The following ADARB2 variants were observed in gnomAD, a reference collection of about 807,000 sequenced individuals.
The protein encoded by ADARB2 is adenosine deaminase RNA specific B2 (inactive).
In ADARB2, 25 loss-of-function variants were observed where a neutral mutation model predicts 62.2. That is an observed-to-expected ratio of 0.40 (90% CI 0.29 to 0.56). The LOEUF (loss-of-function observed/expected upper bound fraction) is 0.56, where lower values mean the gene tolerates loss of function less well. ADARB2 is among the 20% of genes least tolerant of loss of function. The pLI, the probability that ADARB2 is intolerant of heterozygous loss-of-function variation, is 0.43. For synonymous variants in ADARB2, 572 were observed against 500.8 expected, an observed-to-expected ratio of 1.14 and a Z score of -1.90; for missense variants, 1,071 against 1,077.4, an observed-to-expected ratio of 0.99 and a Z score of 0.08.
intron 1 of ADARB2, among the ~76,000 whole-genome samples, chr10:1,487,087 C>T (rs1472986587): frequency 2.6e-5 from 4 of 152,240 alleles, no homozygotes; most frequent in Non-Finnish European, 5.9e-5. Context: ...CAGCTGCACG[C>T]GTGGGTGCCG....
At chr10:1,461,904 A>G (rs570483497) in intron 1 of ADARB2, among the ~76,000 whole-genome samples, 1 of 152,318 alleles carries the variant, frequency 6.6e-6, no homozygotes, top group Admixed American at 6.5e-5. Context: ...GGGGAGGCTG[A>G]GGCAGGAGAA....
intron 1 of ADARB2, among the ~76,000 whole-genome samples, chr10:1,638,954 G>C (rs1001444601): frequency 6.6e-6 from 1 of 152,214 alleles, no homozygotes; most frequent in Admixed American, 6.5e-5. Context: ...TGCCTTGCCT[G>C]CACTCACACG....
intron 6 of ADARB2, among the ~76,000 whole-genome samples, chr10:1,221,521 C>T (rs951516200): frequency 6.6e-6 from 1 of 151,724 alleles, no homozygotes; most frequent in African/African-American, 2.4e-5. Context: ...CACCCAGTAA[C>T]TCATCATTTA....
At chr10:1,599,864 A>T (rs1386471769) in intron 1 of ADARB2, among the ~76,000 whole-genome samples, 1 of 152,024 alleles carries the variant, frequency 6.6e-6, no homozygotes, top group African/African-American at 2.4e-5. Context: ...CTCCTACCTC[A>T]GCCTCCCAAG....
chr10:1,421,484 C>A (rs762588024), intron 1 of ADARB2, among the ~76,000 whole-genome samples: 3 of 152,048 alleles, frequency 2.0e-5, no homozygotes, highest in Non-Finnish European at 4.4e-5. Context: ...TTATTCTTCT[C>A]TAGATTCTCT....
rs1021703194 is a variant in ADARB2 at position 1,672,791 on chromosome 10, A to G, written c.100+64260T>C. 2.3e-5 allele frequency among the ~76,000 whole-genome samples: 3 copies of G among 133,246 alleles called. No individual in the cohort carries two copies. In the Admixed American group the frequency reaches 2.3e-4, roughly 10 times the overall value. The allele number at this position is 133,246 out of a possible 152,430, so 87.4% of individuals were successfully genotyped here. ...TCCCCTTCCTCCCTCCCTCTAACAC[A>G]TATCCAGCAACCTCCACGTCTGGTT... On this transcript the variant is annotated intron_variant, in intron 1 of 9. Coordinates refer to ENST00000381312, the MANE Select transcript of ADARB2 (RefSeq NM_018702.4).
intron 3 of ADARB2, among the ~76,000 whole-genome samples, chr10:1,350,842 G>A (rs574133677): frequency 1.3e-5 from 2 of 152,104 alleles, no homozygotes; most frequent in African/African-American, 2.4e-5. Context: ...TGTACACCTC[G>A]CCTTCAAGGT....
chr10:1,558,855 C>T (rs1191123217), intron 1 of ADARB2, among the ~76,000 whole-genome samples: 2 of 137,730 alleles, frequency 1.5e-5, no homozygotes, highest in African/African-American at 5.3e-5. Context: ...TATTTTTCTT[C>T]AGAGCCATGA....
intron 1 of ADARB2, among the ~76,000 whole-genome samples, chr10:1,600,558 A>T (rs1833398013): frequency 6.7e-6 from 1 of 150,010 alleles, no homozygotes; most frequent in African/African-American, 2.5e-5. Context: ...GCTACTCCGA[A>T]GTCCGAGTCA....
At chr10:1,458,727 A>T (rs1486157353) in intron 1 of ADARB2, among the ~76,000 whole-genome samples, 2 of 152,236 alleles carry the variant, frequency 1.3e-5, no homozygotes, top group Non-Finnish European at 2.9e-5. Context: ...AGCCACCTAC[A>T]TGAACCTCAT....
At position 1,188,003 on chromosome 10, in the gene ADARB2, G is replaced by A. The variant is rs184583560; in HGVS notation, c.1865-2964C>T. 69 of 184,678 alleles carry A rather than the reference G, an allele frequency of 3.7e-4. 2 individuals are homozygous for A. In the East Asian group the frequency reaches 3.9e-3, roughly 10 times the overall value. The allele number at this position is 184,678 out of a possible 1,614,324, so 11.4% of individuals were successfully genotyped here. A position where few individuals can be genotyped will look rare whatever the true frequency, so the allele number is the denominator to read the frequency against. ...GCTACTGTTTAACATAGAAAGTGGT[G>A]TAAACCCAGGAGCAATCTTCAATAT... On this transcript the variant is annotated intron_variant, in intron 8 of 9. Transcript: ENST00000381312.
intron 7 of ADARB2, among the ~76,000 whole-genome samples, chr10:1,201,257 T>C (rs890527247): frequency 1.3e-5 from 2 of 152,194 alleles, no homozygotes; most frequent in African/African-American, 4.8e-5. Context: ...TCTCCCTCTC[T>C]CCCTCTGCAA....
At chr10:1,364,314 G>A (rs1346019574) in intron 2 of ADARB2, among the ~76,000 whole-genome samples, 6 of 151,056 alleles carry the variant, frequency 4.0e-5, no homozygotes, top group Non-Finnish European at 5.9e-5. Flanking sequence ...CTCCAGGCCC[G>A]GTGCCCAATG....
intron 4 of ADARB2, among the ~76,000 whole-genome samples, chr10:1,262,083 A>G (rs1589168841): frequency 1.5e-5 from 2 of 137,642 alleles, no homozygotes; most frequent in Non-Finnish European, 1.5e-5. Context: ...ATAGGTGGGA[A>G]TTGAACAATG....
chr10:1,530,600 C>T (rs1405007916), intron 1 of ADARB2, among the ~76,000 whole-genome samples: 2 of 152,172 alleles, frequency 1.3e-5, no homozygotes, highest in African/African-American at 2.4e-5. Context: ...CTCGTCCGCC[C>T]CTGCGCCCAA....
chr10:1,506,863 G>A (rs1197952037), intron 1 of ADARB2, among the ~76,000 whole-genome samples: 2 of 152,214 alleles, frequency 1.3e-5, no homozygotes, highest in African/African-American at 4.8e-5. Flanking sequence ...GCCCTTCTAA[G>A]GAAAAACGTG....
intron 3 of ADARB2, among the ~76,000 whole-genome samples, chr10:1,353,304 C>T (rs1832162331): frequency 6.6e-6 from 1 of 152,212 alleles, no homozygotes; most frequent in Non-Finnish European, 1.5e-5. Flanking sequence ...CACTATCAAC[C>T]TTACCCATTC....
intron 1 of ADARB2, among the ~76,000 whole-genome samples, chr10:1,501,818 A>G (rs1220749078): frequency 6.6e-6 from 1 of 152,192 alleles, no homozygotes; most frequent in Non-Finnish European, 1.5e-5. Flanking sequence ...TTTTTTATTC[A>G]CTGACAAGAA....
At position 1,282,063 on chromosome 10, in the gene ADARB2, G is replaced by GGTCCCCAC. The variant is rs1475472607; in HGVS notation, c.1078-11002_1078-10995dup. Reference sequence around the variant, plus strand: ...TCAGCAAGTCTCACCTCCTGGCTGGGGTCCCCACAGGTTGGCACAGCTCAG... The same window carrying GGTCCCCAC: ...TCAGCAAGTCTCACCTCCTGGCTGGGGTCCCCACGTCCCCACAGGTTGGCACAGCTCAG... On this transcript the variant is annotated intron_variant, in intron 3 of 9. Coordinates refer to ENST00000381312, the MANE Select transcript of ADARB2 (RefSeq NM_018702.4). Among the ~76,000 whole-genome samples, 8 of 152,236 alleles carry GGTCCCCAC rather than the reference G, an allele frequency of 5.3e-5. No homozygotes were observed. In the East Asian group the frequency reaches 7.7e-4, roughly 15 times the overall value.
Sources: gnomAD v4.1 joint callset for allele counts (sites outside exome capture counted in the v4.1 genomes callset) on GRCh38, gnomAD v4.1.1 for gene constraint, MANE v1.5 for transcripts, NCBI Gene and HGNC (gene_info 2026-07-23, HGNC 2026-07-21) for gene names.